Variants in MEGF9 observed in about 807,000 individuals in gnomAD.
MEGF9 encodes the protein multiple EGF like domains 9.
In MEGF9, 6 loss-of-function variants were observed where a neutral mutation model predicts 46.8. The observed-to-expected ratio is 0.13, with a 90% CI of 0.07 to 0.25. The LOEUF (loss-of-function observed/expected upper bound fraction) is 0.25. MEGF9 is among the 10% of genes least tolerant of loss of function. The pLI is 1.00. For missense variants in MEGF9, 683 were observed against 792.4 expected, an observed-to-expected ratio of 0.86 and a Z score of 1.66; for synonymous variants, 302 against 330.7, an observed-to-expected ratio of 0.91 and a Z score of 0.94.
chr9:120,649,470 G>A (rs2043639832), intron 2 of MEGF9, among the ~76,000 whole-genome samples: 1 of 152,172 alleles, frequency 6.6e-6, no homozygotes, highest in Non-Finnish European at 1.5e-5. Flanking sequence ...ATCATCCCAG[G>A]ATGATTGAGT....
rs992673796 is a variant in MEGF9, at chr9:120,622,675, T to C, written c.884A>G (p.Lys295Arg). ...GCATTGGCAGGGCAAGCAGCCATTC[T>C]TACTAAAGCCATAATATCCATCTTG... Reference protein sequence around the residue: ...RCQDGYYGFSKNGCLPCQCNN... With the variant: ...RCQDGYYGFSRNGCLPCQCNN... The change falls in exon 3 of 6, where the codon AAG becomes AGG. Residue 295 changes from lysine to arginine, a missense_variant. By Grantham distance (26) the Lys-to-Arg change is conservative (BLOSUM62 2). Transcript: ENST00000373930. 1.2e-6 allele frequency: 2 copies of C among 1,613,802 alleles called. No individual in the cohort carries two copies. The highest frequency in any genetic ancestry group is 2.7e-5 in the African/African-American group (2 of 74,928).
rs1343393755 is a variant in MEGF9 at position 120,623,781 on chromosome 9, G to A, written c.804-1026C>T. On this transcript the variant is annotated intron_variant, in intron 2 of 5. Transcript: ENST00000373930. ...CTCAATAAGAAGGAACCAGTCAATC[G>A]AAGCCACTCTATACTATCAGAAAAT... 2.6e-5 allele frequency among the ~76,000 whole-genome samples: 4 copies of A among 152,194 alleles called. No individual in the cohort carries two copies. The South Asian group carries it at 6.2e-4, about 24-fold the overall frequency.
intron 1 of MEGF9, among the ~76,000 whole-genome samples, chr9:120,670,372 C>G (rs551530472): frequency 1.3e-5 from 2 of 152,184 alleles, no homozygotes; most frequent in Non-Finnish European, 2.9e-5. Flanking sequence ...GCTGGGATTA[C>G]AGGCATGAGC....
At chr9:120,683,240 G>C (rs1402271670) in intron 1 of MEGF9, among the ~76,000 whole-genome samples, 4 of 152,096 alleles carry the variant, frequency 2.6e-5, no homozygotes, top group Non-Finnish European at 5.9e-5. Context: ...ATCTCTGGTG[G>C]GGGTACTAAG....
rs779676330 is a variant in MEGF9, at chr9:120,605,242, G to A, written c.1757C>T (p.Ala586Val). ...GLLEDDGNEVAPNGQLTLTTP... is the reference protein window; with the variant it reads ...GLLEDDGNEVVPNGQLTLTTP... ...CGTCAGGGTCAGCTGCCCATTGGGA[G>A]CCACTTCATTGCCATCATCTTCCAA... Residue 586 changes from alanine (A) to valine (V), a missense_variant, in exon 6 of 6, where the codon GCT (alanine) becomes GTT (valine). Ala to Val is a moderately conservative substitution (Grantham distance 64). This residue lies in a region of MEGF9 where 313 missense variants were observed against 421.1 expected (regional missense o/e 0.74). Transcript: ENST00000373930. The surrounding 1 kb of genome is among the most constrained non-coding windows in gnomAD (Gnocchi z 4.0). The A allele has an allele frequency of 1.2e-6, 2 of 1,614,054 alleles. No homozygotes were observed. The highest frequency in any genetic ancestry group is 1.7e-6 in the Non-Finnish European group (2 of 1,179,892).
chr9:120,693,201 GTGAAGCAC>G (rs2132339123), intron 1 of MEGF9, among the ~76,000 whole-genome samples: 1 of 146,360 alleles, frequency 6.8e-6, no homozygotes, highest in African/African-American at 2.5e-5. Context: ...AAGCATCTTA[GTGAAGCAC>G]TGTTAAAGAC....
At chr9:120,678,129 T>C (rs1446479338) in intron 1 of MEGF9, among the ~76,000 whole-genome samples, 1 of 152,230 alleles carries the variant, frequency 6.6e-6, no homozygotes, top group Non-Finnish European at 1.5e-5. Context: ...GATCTTATTC[T>C]GTTTTATGGA....
intron 4 of MEGF9, 23 bp downstream of exon 4, chr9:120,612,373 G>T: frequency 6.3e-7 from 1 of 1,588,606 alleles, no homozygotes; most frequent in Non-Finnish European, 8.5e-7. Flanking sequence ...CCTCTAAAAT[G>T]AAAAGTTAGA....
intron 2 of MEGF9, among the ~76,000 whole-genome samples, chr9:120,641,735 T>A (rs2043604086): frequency 6.6e-6 from 1 of 152,206 alleles, no homozygotes; most frequent in Non-Finnish European, 1.5e-5. Context: ...AAATTAACTG[T>A]ACTTATTTCA....
At chr9:120,667,494 G>C (rs993033247) in intron 1 of MEGF9, among the ~76,000 whole-genome samples, 1 of 151,908 alleles carries the variant, frequency 6.6e-6, no homozygotes, top group Non-Finnish European at 1.5e-5. Context: ...TTTTCAGATT[G>C]ATCATTAAAA....
At chr9:120,619,191 C>CA (rs1396435917) in intron 3 of MEGF9, among the ~76,000 whole-genome samples, 11 of 150,142 alleles carry the variant, frequency 7.3e-5, no homozygotes, top group Admixed American at 7.3e-4. Flanking sequence ...ACTAAAAATA[C>CA]AAAAAATTAG....
At chr9:120,713,521 TGCCTTCCACCCA>T (rs935501439) in intron 1 of MEGF9, among the ~76,000 whole-genome samples, 3 of 152,148 alleles carry the variant, frequency 2.0e-5, no homozygotes, top group African/African-American at 7.2e-5. Context: ...GAAGATGAGA[TGCCTTCCACCCA>T]GCAGCCACCC....
intron 2 of MEGF9, among the ~76,000 whole-genome samples, chr9:120,656,230 C>G (rs554703450): frequency 6.6e-6 from 1 of 152,222 alleles, no homozygotes; most frequent in Non-Finnish European, 1.5e-5. Flanking sequence ...TAATAATGTT[C>G]TCCTCAAGGG....
intron 1 of MEGF9, among the ~76,000 whole-genome samples, chr9:120,665,932 T>C (rs199793328): frequency 6.6e-6 from 1 of 152,240 alleles, no homozygotes; most frequent in East Asian, 1.9e-4. Context: ...TTCTGGATTC[T>C]CTGTTCTGTT....
chr9:120,617,503 G>A (rs1587974569), intron 3 of MEGF9, among the ~76,000 whole-genome samples: 3 of 152,298 alleles, frequency 2.0e-5, no homozygotes, highest in African/African-American at 7.2e-5. Context: ...GAGTAACAGG[G>A]CATAAGGTCA....
intron 1 of MEGF9, among the ~76,000 whole-genome samples, chr9:120,705,453 T>C (rs2043924922): frequency 6.6e-6 from 1 of 151,684 alleles, no homozygotes; most frequent in Non-Finnish European, 1.5e-5. Flanking sequence ...GAAAGAATGG[T>C]TGGGGCTAAA....
chr9:120,665,308 C>T (rs934224186), intron 1 of MEGF9, among the ~76,000 whole-genome samples: 5 of 151,980 alleles, frequency 3.3e-5, no homozygotes, highest in African/African-American at 9.7e-5. Flanking sequence ...CAGGTTCAAG[C>T]GATTCTCCTG....
At chr9:120,652,170 ACACACACACAC>A (rs1268475840) in intron 2 of MEGF9, among the ~76,000 whole-genome samples, 1 of 47,688 alleles carries the variant, frequency 2.1e-5, no homozygotes, top group African/African-American at 8.2e-5. Context: ...ACACACACAC[ACACACACACAC>A]AAAAAAAAAA....
chr9:120,647,063 C>T (rs756744061), intron 2 of MEGF9, among the ~76,000 whole-genome samples: 3 of 151,450 alleles, frequency 2.0e-5, no homozygotes, highest in Non-Finnish European at 2.9e-5. Flanking sequence ...GGTTTAGGGA[C>T]GGTAACATGT....
Sources: allele counts gnomAD v4.1 joint callset (sites outside exome capture counted in the v4.1 genomes callset), GRCh38; gene constraint gnomAD v4.1.1; regional missense constraint gnomAD v4.1.1; non-coding constraint Gnocchi (gnomAD v3.1); transcripts MANE v1.5; gene names NCBI Gene and HGNC (gene_info 2026-07-23, HGNC 2026-07-21).